Variants in EXOC6B observed in about 807,000 individuals in gnomAD.
EXOC6B encodes the protein exocyst complex component 6B.
EXOC6B carries 54 observed loss-of-function variants against 113.5 expected under a neutral mutation model. The observed-to-expected ratio is 0.48, with a 90% CI of 0.38 to 0.60. The LOEUF is 0.60. Among genes scored for constraint, EXOC6B ranks in the 20% least tolerant of loss-of-function variants. EXOC6B has a pLI of 0.00. For synonymous variants in EXOC6B, 357 were observed against 339.0 expected (o/e 1.05, Z -0.58); for missense variants, 797 against 977.5 (o/e 0.82, Z 2.46).
At chr2:72,509,658 G>T (rs947382157) in intron 11 of EXOC6B, among the ~76,000 whole-genome samples, 2 of 151,540 alleles carry the variant, frequency 1.3e-5, no homozygotes, top group African/African-American at 4.8e-5. Context: ...GTCAGATGAG[G>T]TTAATATTAA....
intron 20 of EXOC6B, among the ~76,000 whole-genome samples, chr2:72,268,847 T>C (rs1684300611): frequency 6.6e-6 from 1 of 152,140 alleles, no homozygotes; most frequent in Non-Finnish European, 1.5e-5. Context: ...GTTGTATGCT[T>C]CCTGAGGCCC....
intron 6 of EXOC6B, among the ~76,000 whole-genome samples, chr2:72,667,488 C>A (rs1051677790): frequency 6.6e-6 from 1 of 152,156 alleles, no homozygotes; most frequent in Admixed American, 6.5e-5. Flanking sequence ...TATAAGACTA[C>A]AGTAATCAAA....
chr2:72,730,162 C>A (rs1335913874), intron 5 of EXOC6B, among the ~76,000 whole-genome samples: 1 of 152,148 alleles, frequency 6.6e-6, no homozygotes, highest in African/African-American at 2.4e-5. Flanking sequence ...GAGAAATCCT[C>A]TGAATTTAAC....
At chr2:72,619,167 GAA>G (rs1671587297) in intron 6 of EXOC6B, among the ~76,000 whole-genome samples, 1 of 151,334 alleles carries the variant, frequency 6.6e-6, no homozygotes, top group Non-Finnish European at 1.5e-5. Context: ...CAAAGACAGA[GAA>G]ATACACAGCC....
intron 20 of EXOC6B, among the ~76,000 whole-genome samples, chr2:72,281,940 T>A (rs1685155803): frequency 6.6e-6 from 1 of 152,182 alleles, no homozygotes; most frequent in African/African-American, 2.4e-5. Flanking sequence ...GACTGATACC[T>A]GACTTCATTT....
At chr2:72,777,947 T>C (rs1683800654) in intron 1 of EXOC6B, among the ~76,000 whole-genome samples, 1 of 152,166 alleles carries the variant, frequency 6.6e-6, no homozygotes, top group Non-Finnish European at 1.5e-5. Flanking sequence ...ATTTATAGTT[T>C]ATAAATGAAT....
intron 20 of EXOC6B, among the ~76,000 whole-genome samples, chr2:72,216,951 G>T (rs1470691826): frequency 6.6e-6 from 1 of 150,738 alleles, no homozygotes; most frequent in African/African-American, 2.4e-5. Flanking sequence ...TGAGGCAGGA[G>T]AATTGCTTGA....
chr2:72,258,115 C>T (rs1201028139), intron 20 of EXOC6B, among the ~76,000 whole-genome samples: 1 of 152,134 alleles, frequency 6.6e-6, no homozygotes, highest in Non-Finnish European at 1.5e-5. Flanking sequence ...AAATGGTCCA[C>T]CATTCTCGCA....
chr2:72,373,188 C>T (rs1488091487), intron 19 of EXOC6B, among the ~76,000 whole-genome samples: 1 of 151,552 alleles, frequency 6.6e-6, no homozygotes, highest in South Asian at 2.1e-4. Context: ...CCTGCCTCAG[C>T]CTCTCGAGTA....
At chr2:72,424,250 C>T (rs1449304398) in intron 18 of EXOC6B, among the ~76,000 whole-genome samples, 1 of 151,546 alleles carries the variant, frequency 6.6e-6, no homozygotes, top group East Asian at 1.9e-4. Flanking sequence ...GGTAGATAAG[C>T]TCCTTGACAG....
chr2:72,552,696 T>G (rs1444970415), intron 8 of EXOC6B, among the ~76,000 whole-genome samples: 1 of 152,012 alleles, frequency 6.6e-6, no homozygotes, highest in Non-Finnish European at 1.5e-5. Context: ...CTCATCAAAT[T>G]GAGTTTATCT....
intron 5 of EXOC6B, 35 bp from the exon 6 acceptor site, chr2:72,718,342 G>GGGT: frequency 1.3e-6 from 2 of 1,586,570 alleles, no homozygotes; most frequent in Non-Finnish European, 1.7e-6. Context: ...AGCTCACTCA[G>GGGT]TTTTCTTTAG....
intron 18 of EXOC6B, among the ~76,000 whole-genome samples, chr2:72,454,141 C>T (rs1038543906): frequency 5.3e-5 from 8 of 152,140 alleles, no homozygotes; most frequent in Admixed American, 1.3e-4. Context: ...GACACAGAGC[C>T]AAACCATATC....
chr2:72,622,578 C>T lies in EXOC6B; in HGVS notation c.670-46910G>A, dbSNP rs956386651. On this transcript the variant is annotated intron_variant, in intron 6 of 21. Transcript: ENST00000272427. Reference sequence around the variant, plus strand: ...AACAAAAATTAGCCAGGTGTGGTGGCGTATGCCTGTGGTCCCAGCTAGTTT... The same window carrying T: ...AACAAAAATTAGCCAGGTGTGGTGGTGTATGCCTGTGGTCCCAGCTAGTTT... Among the ~76,000 whole-genome samples, 11 of 152,046 alleles carry T rather than the reference C, an allele frequency of 7.2e-5. No homozygotes were observed. In the South Asian group the frequency reaches 8.3e-4, roughly 11 times the overall value.
At chr2:72,518,206 G>A (rs1658285124) in intron 8 of EXOC6B, among the ~76,000 whole-genome samples, 1 of 152,192 alleles carries the variant, frequency 6.6e-6, no homozygotes, top group South Asian at 2.1e-4. Flanking sequence ...TTAAAAAGCT[G>A]CTGAAGACAT....
At chr2:72,401,841 C>T (rs1052521197) in intron 18 of EXOC6B, among the ~76,000 whole-genome samples, 1 of 147,726 alleles carries the variant, frequency 6.8e-6, no homozygotes, top group African/African-American at 2.5e-5. Context: ...AAATTAAAGA[C>T]AAAACTAAAA....
At chr2:72,460,500 C>A (rs1405577707) in intron 18 of EXOC6B, among the ~76,000 whole-genome samples, 1 of 151,846 alleles carries the variant, frequency 6.6e-6, no homozygotes, top group Non-Finnish European at 1.5e-5. Flanking sequence ...TGAACTCAAA[C>A]AAATTTACAA....
In EXOC6B at chr2:72,252,752, A is replaced by C. The variant is rs1016634346; in HGVS notation, c.2197-68565T>G. Among the ~76,000 whole-genome samples, 31 of 152,216 alleles carry C rather than the reference A, an allele frequency of 2.0e-4. 1 individual carries two copies. The highest frequency in any genetic ancestry group is 6.0e-4 in the African/African-American group (25 of 41,464). On this transcript the variant is annotated intron_variant, in intron 20 of 21. Coordinates refer to ENST00000272427, the MANE Select transcript of EXOC6B (RefSeq NM_015189.3). ...GGGAGGGGAGCATGGGTTGAAAAAC[A>C]ACCTATTGTGTACTATGCTCACTAT...
At chr2:72,631,983 GA>G (rs975921956) in intron 6 of EXOC6B, among the ~76,000 whole-genome samples, 2 of 151,996 alleles carry the variant, frequency 1.3e-5, no homozygotes, top group African/African-American at 4.8e-5. Context: ...GTTATATAAA[GA>G]AGGAAAACAC....
Sources: gnomAD v4.1 joint callset for allele counts (sites outside exome capture counted in the v4.1 genomes callset) on GRCh38, gnomAD v4.1.1 for gene constraint, MANE v1.5 for transcripts, NCBI Gene and HGNC (gene_info 2026-07-23, HGNC 2026-07-21) for gene names.